The following ADORA2B variants were observed in gnomAD, a reference collection of about 807,000 sequenced individuals.
ADORA2B encodes the protein adenosine A2b receptor.
In ADORA2B, 18 loss-of-function variants were observed where a neutral mutation model predicts 20.8. That is an observed-to-expected ratio of 0.87 (90% CI 0.60 to 1.29). The LOEUF is 1.29. Ranked by LOEUF, ADORA2B falls within the 50% of genes most tolerant of loss-of-function variation. The pLI is 0.00. For missense variants in ADORA2B, 441 were observed against 422.7 expected (o/e 1.04, Z -0.38); for synonymous variants, 179 against 178.3 (o/e 1.00, Z -0.03).
chr17:15,877,657 C>G, the ADORA2B span, among the ~76,000 whole-genome samples: 61 of 152,284 alleles, frequency 4.0e-4, no homozygotes, highest in Non-Finnish European at 5.7e-4. Flanking sequence ...ACTTGTGCCT[C>G]AACTGCTCAA....
At chr17:15,857,512 G>A in the ADORA2B span, among the ~76,000 whole-genome samples, 2 of 152,308 alleles carry the variant, frequency 1.3e-5, no homozygotes, top group East Asian at 1.9e-4. Flanking sequence ...ACACCAGCCC[G>A]TGAAAGCAGC....
the ADORA2B span, among the ~76,000 whole-genome samples, chr17:15,876,549 ACT>A: frequency 8.2e-6 from 1 of 121,782 alleles, no homozygotes; most frequent in Non-Finnish European, 1.7e-5. Flanking sequence ...AATTTCTTCT[ACT>A]CTGTTTTCTT....
chr17:15,969,989 T>A (rs1970170271), intron 1 of ADORA2B, among the ~76,000 whole-genome samples: 1 of 152,224 alleles, frequency 6.6e-6, no homozygotes, highest in South Asian at 2.1e-4. Context: ...CTTTTCAAAT[T>A]TCTCACTCCT....
the ADORA2B span, among the ~76,000 whole-genome samples, chr17:15,885,753 A>G: frequency 2.6e-5 from 4 of 152,166 alleles, no homozygotes; most frequent in Non-Finnish European, 5.9e-5. Flanking sequence ...AGAAATGTGA[A>G]GTTGGAAGAA....
chr17:15,881,066 C>G, the ADORA2B span, among the ~76,000 whole-genome samples: 1 of 152,070 alleles, frequency 6.6e-6, no homozygotes, highest in Non-Finnish European at 1.5e-5. Flanking sequence ...TGGTCTGTCC[C>G]TTTAGCCTTG....
At chr17:15,920,356 C>T in the ADORA2B span, among the ~76,000 whole-genome samples, 172 of 152,222 alleles carry the variant, frequency 1.1e-3, no homozygotes, top group African/African-American at 3.9e-3. Context: ...CAGTCGTATC[C>T]CCTAAATTTA....
the ADORA2B span, among the ~76,000 whole-genome samples, chr17:15,906,369 A>C: frequency 6.6e-6 from 1 of 152,226 alleles, no homozygotes; most frequent in Admixed American, 6.5e-5. Context: ...TGATATAATC[A>C]TATGGTTTTT....
At chr17:15,884,662 A>T in the ADORA2B span, among the ~76,000 whole-genome samples, 6 of 152,226 alleles carry the variant, frequency 3.9e-5, no homozygotes, top group Non-Finnish European at 5.9e-5. Context: ...TAAGTGAGAA[A>T]ATGCAGTGTT....
chr17:15,947,130 C>G (rs1016595741), intron 1 of ADORA2B, among the ~76,000 whole-genome samples: 9 of 152,066 alleles, frequency 5.9e-5, no homozygotes, highest in Non-Finnish European at 1.0e-4. Flanking sequence ...TGTCTCCCAT[C>G]AGGTGTGACA....
At chr17:15,882,436 G>A in the ADORA2B span, among the ~76,000 whole-genome samples, 5 of 152,150 alleles carry the variant, frequency 3.3e-5, no homozygotes, top group Admixed American at 1.3e-4. Flanking sequence ...GTTCTTGGCC[G>A]GGCACAGTGG....
chr17:15,936,765 G>A, the ADORA2B span, among the ~76,000 whole-genome samples: 5 of 152,278 alleles, frequency 3.3e-5, no homozygotes, highest in East Asian at 1.9e-4. Flanking sequence ...AGACCAGGCC[G>A]GAAAACAAAA....
the ADORA2B span, among the ~76,000 whole-genome samples, chr17:15,909,456 A>C: frequency 6.6e-6 from 1 of 152,198 alleles, no homozygotes; most frequent in Admixed American, 6.5e-5. Flanking sequence ...GTGATAATGC[A>C]AGGGAGGCCC....
chr17:15,859,921 A>G, the ADORA2B span, among the ~76,000 whole-genome samples: 1 of 152,246 alleles, frequency 6.6e-6, no homozygotes, highest in African/African-American at 2.4e-5. Flanking sequence ...CTTATGCCCA[A>G]TTTCTGCCTC....
chr17:15,973,355 G>GTTT (rs1970210390), intron 1 of ADORA2B, among the ~76,000 whole-genome samples: 1 of 152,122 alleles, frequency 6.6e-6, no homozygotes, highest in South Asian at 2.1e-4. Flanking sequence ...TCTCCATACT[G>GTTT]TTTATTATTA....
the ADORA2B span, among the ~76,000 whole-genome samples, chr17:15,873,741 C>A: frequency 1.3e-5 from 2 of 152,126 alleles, no homozygotes; most frequent in Non-Finnish European, 2.9e-5. Context: ...AGTCAAGAAA[C>A]AATAAATGTT....
At chr17:15,925,129 G>C in the ADORA2B span, among the ~76,000 whole-genome samples, 690 of 152,060 alleles carry the variant, frequency 4.5e-3, 1 homozygote, top group Non-Finnish European at 7.7e-3. Flanking sequence ...TCCACCTCCC[G>C]GGTTCAGGTG....
At chr17:15,868,181 G>A in the ADORA2B span, among the ~76,000 whole-genome samples, 1 of 125,580 alleles carries the variant, frequency 8.0e-6, no homozygotes, top group Admixed American at 8.1e-5. Flanking sequence ...CAGCATGCTC[G>A]TTAAGAGTCA....
the ADORA2B span, among the ~76,000 whole-genome samples, chr17:15,926,557 G>A: frequency 2.0e-4 from 30 of 152,018 alleles, no homozygotes; most frequent in Non-Finnish European, 3.1e-4. Flanking sequence ...TCACTGGGGA[G>A]GGTCAGGGTA....
the ADORA2B span, among the ~76,000 whole-genome samples, chr17:15,883,717 C>T: frequency 6.6e-6 from 1 of 152,202 alleles, no homozygotes; most frequent in African/African-American, 2.4e-5. Context: ...GGAAGAACCT[C>T]TTTGAGGGCA....
Sources: gnomAD v4.1 joint callset for allele counts (sites outside exome capture counted in the v4.1 genomes callset) on GRCh38, gnomAD v4.1.1 for gene constraint, MANE v1.5 for transcripts, NCBI Gene and HGNC (gene_info 2026-07-23, HGNC 2026-07-21) for gene names.